GRHL3: variants seen among roughly 807,000 people sequenced by gnomAD.
The protein encoded by GRHL3 is grainyhead-like protein 3 homolog.
Under a neutral mutation model 70.3 loss-of-function variants are expected in GRHL3, and 20 were observed. The ratio of observed to expected loss-of-function variants is 0.28; its 90% CI spans 0.20 to 0.41. The LOEUF is 0.41. Ranked by LOEUF, GRHL3 falls within the 10% of genes least tolerant of loss-of-function variation. The pLI is 1.00. For synonymous variants in GRHL3, 299 were observed against 299.9 expected (o/e 1.00, Z 0.03); for missense variants, 637 against 762.3 (o/e 0.84, Z 1.94).
downstream of GRHL3, chr1:24,358,182 C>A (rs1363397099): frequency 1.9e-6 from 1 of 514,038 alleles, no homozygotes; most frequent in Non-Finnish European, 3.8e-6. Context: ...TCAGGGTGGA[C>A]TGATCCTCCT....
At chr1:24,337,032 G>GAGTGA in intron 4 of GRHL3, 46 bp from the exon 5 acceptor site, 1 of 1,578,074 alleles carries the variant, frequency 6.3e-7, no homozygotes. Flanking sequence ...AGGCTTCCCA[G>GAGTGA]AGTGAATGTG....
intron 11 of GRHL3, among the ~76,000 whole-genome samples, chr1:24,344,072 G>A (rs765779131): frequency 1.9e-4 from 29 of 152,302 alleles, no homozygotes; most frequent in Non-Finnish European, 3.4e-4. Context: ...GACCACTCAG[G>A]GTGAAGGCCC....
intron 1 of GRHL3, among the ~76,000 whole-genome samples, chr1:24,324,609 G>A (rs1348362375): frequency 1.3e-5 from 2 of 152,196 alleles, no homozygotes; most frequent in South Asian, 2.1e-4. Context: ...ATGACTAGAA[G>A]TTGTTAGCCA....
chr1:24,339,749 A>C lies in GRHL3; in HGVS notation c.1034A>C (p.Asn345Thr), dbSNP rs373187060. ...YNALSFVWNVNEEAKVFIGVN... is the reference protein window; with the variant it reads ...YNALSFVWNVTEEAKVFIGVN... The stretch of plus-strand genomic sequence containing the variant: ...GCACTGTCCTTTGTGTGGAACGTGA[A>C]TGAAGAGGCCAAGGTCAGTGCTGAG... Residue 345 changes from asparagine to threonine, a missense_variant, in exon 8 of 16, where the codon AAT becomes ACT. Asn to Thr is a moderately conservative substitution (Grantham distance 65). Around this residue, in one of 2 missense-constraint regions of GRHL3, gnomAD observed 387 missense variants for 513.8 expected, o/e 0.75. Transcript: ENST00000361548. 4.3e-6 allele frequency: 7 copies of C among 1,611,696 alleles called. No homozygotes were observed. Among genetic ancestry groups the C allele is most frequent in the African/African-American group, 1.3e-5 (1 of 74,904 alleles).
At chr1:24,358,719 G>T, downstream of GRHL3, 1 of 842,440 alleles carries the variant, frequency 1.2e-6, no homozygotes, top group Non-Finnish European at 1.9e-6. Context: ...GGGGACCCCT[G>T]TGCCAGCCCC....
chr1:24,358,992 T>C (rs1640908612), downstream of GRHL3, among the ~76,000 whole-genome samples: 1 of 152,180 alleles, frequency 6.6e-6, no homozygotes, highest in Non-Finnish European at 1.5e-5. Flanking sequence ...GCAGAAGCCA[T>C]GACAATTGCG....
chr1:24,347,355 C>T (rs963869323), intron 13 of GRHL3, 113 bp from the exon 14 acceptor site: 2 of 925,794 alleles, frequency 2.2e-6, no homozygotes, highest in Admixed American at 3.7e-5. Flanking sequence ...CCCAGCTGGG[C>T]AAAGACCCGC....
chr1:24,326,581 C>T (rs1004574901), intron 1 of GRHL3, among the ~76,000 whole-genome samples: 3 of 152,254 alleles, frequency 2.0e-5, no homozygotes, highest in South Asian at 2.1e-4. Context: ...ATGCAACCTC[C>T]GTGTCGGCAG....
At chr1:24,346,313 TG>T (rs34153249) in intron 12 of GRHL3, among the ~76,000 whole-genome samples, 16 of 152,168 alleles carry the variant, frequency 1.1e-4, no homozygotes, top group Non-Finnish European at 1.9e-4. Context: ...ATTTTATACA[TG>T]GGGTCACTGA....
In GRHL3 at chr1:24,355,064, C is replaced by T. The variant is rs1209636982; in HGVS notation, c.*576C>T. The T allele has an allele frequency of 2.6e-5, 4 of 152,518 alleles. No individual in the cohort carries two copies. Among genetic ancestry groups the T allele is most frequent in the Non-Finnish European group, 4.4e-5 (3 of 68,064 alleles). The allele number at this position is 152,518 out of a possible 1,614,324, so 9.4% of individuals were successfully genotyped here. A position where few individuals can be genotyped will look rare whatever the true frequency, so the allele number is the denominator to read the frequency against. ...TAACGATCGACTGGAACAAAGTGAC[C>T]GCTGTGTAAAACTACTGCCTTGCCA... On this transcript the variant is annotated 3_prime_UTR_variant, in exon 16 of 16. Coordinates refer to ENST00000361548, the MANE Select transcript of GRHL3 (RefSeq NM_198173.3).
rs1452219028 is a variant in GRHL3, at chr1:24,321,880, C to CGCAGCCCTGG, written c.17+2320_17+2329dup. The CGCAGCCCTGG allele has an allele frequency of 3.3e-5, 5 of 152,270 alleles. No homozygotes were observed. The highest frequency in any genetic ancestry group is 6.5e-5 in the Admixed American group (1 of 15,276). 9.4% of individuals were successfully genotyped at this position (152,270 alleles called of 1,614,324 possible). ...CGCAGCGCTCTGGGTGCCTGGAGCC[C>CGCAGCCCTGG]GCAGCCCTGGGCAGCCCCGGGCTAC... On this transcript the variant is annotated intron_variant, in intron 1 of 15. Coordinates refer to ENST00000361548, the MANE Select transcript of GRHL3 (RefSeq NM_198173.3). The surrounding 1 kb of genome is among the most constrained non-coding windows in gnomAD (Gnocchi z 4.0).
rs981103462 is a variant in GRHL3, at chr1:24,344,909, G to A, written c.1432G>A (p.Ala478Thr). 3.1e-6 allele frequency: 5 copies of A among 1,613,372 alleles called. No individual in the cohort carries two copies. In the African/African-American group the frequency reaches 6.7e-5, roughly 22 times the overall value. Residue 478 changes from alanine (A) to threonine (T), a missense_variant, in exon 12 of 16, where the codon GCA (alanine) becomes ACA (threonine). By Grantham distance (58) the Ala-to-Thr change is moderately conservative (BLOSUM62 0). Transcript: ENST00000361548. ...CACTTCATTGCAGGCAGCCCCCTCG[G>A]CAGGACCCAGCAGCTCCAACAGGTA... The part of the protein sequence containing the change: ...LQRSGGAAPS[A>T]GPSSSNRLPL...
At chr1:24,336,382 C>G in intron 3 of GRHL3, 100 bp from the exon 4 acceptor site, 3 of 761,394 alleles carry the variant, frequency 3.9e-6, no homozygotes, top group Admixed American at 2.5e-5. Flanking sequence ...AAACATTACA[C>G]TGGATCAAAG....
intron 15 of GRHL3, among the ~76,000 whole-genome samples, chr1:24,350,425 G>T (rs1640458869): frequency 1.3e-5 from 2 of 152,344 alleles, no homozygotes; most frequent in South Asian, 4.1e-4. Flanking sequence ...CAAGCCATTT[G>T]ATTATAAAGA....
At position 24,350,122 on chromosome 1, in the gene GRHL3, G is replaced by T; in HGVS notation, c.1694G>T (p.Gly565Val). The change falls in exon 15 of 16, where the codon GGA becomes GTA. Residue 565 changes from glycine to valine, a missense_variant and splice_region_variant. Gly to Val is a moderately radical substitution (Grantham distance 109, BLOSUM62 -3). Coordinates refer to ENST00000361548, the MANE Select transcript of GRHL3 (RefSeq NM_198173.3). ...AAAGTCTACAAGAAATGCAAGCGAG[G>T]GTGAGTGCCTAGTTCACCCTCCCCC... Reference protein sequence around the residue: ...IYKVYKKCKRGILVNMDNNII... With the variant: ...IYKVYKKCKRVILVNMDNNII... 6.2e-7 allele frequency: 1 copy of T among 1,613,018 alleles called. No individual in the cohort carries two copies. The highest frequency in any genetic ancestry group is 8.5e-7 in the Non-Finnish European group (1 of 1,179,336).
Position 24,342,769 on chromosome 1 carries a change from A to G in GRHL3, c.1282A>G (p.Ser428Gly). Residue 428 changes from serine to glycine, a missense_variant, in exon 10 of 16, where the codon AGT (serine) becomes GGT (glycine). Transcript: ENST00000361548. This position sits in a 1 kb window ranked among gnomAD's most constrained non-coding sequence, Gnocchi z 4.8. ...GGTCAAGTGCCCTGACTCCAGCAAC[A>G]GTGGTCAGTGGGGATCCAGGGCCTG... Reference protein sequence around the residue: ...RKVKCPDSSNSGVKGCLLSGF... With the variant: ...RKVKCPDSSNGGVKGCLLSGF... 6.2e-7 allele frequency: 1 copy of G among 1,614,180 alleles called. No homozygotes were observed. The highest frequency in any genetic ancestry group is 8.5e-7 in the Non-Finnish European group (1 of 1,179,996).
At chr1:24,341,932 CCT>C (rs1640058065) in intron 8 of GRHL3, among the ~76,000 whole-genome samples, 181 bp from the exon 9 acceptor site, 1 of 152,340 alleles carries the variant, frequency 6.6e-6, no homozygotes, top group African/African-American at 2.4e-5. Flanking sequence ...AGTTGCCCCA[CCT>C]CTCTGAGCAT....
At chr1:24,346,869 A>T (rs1557703961) in intron 13 of GRHL3, among the ~76,000 whole-genome samples, 1 of 152,190 alleles carries the variant, frequency 6.6e-6, no homozygotes, top group African/African-American at 2.4e-5. Flanking sequence ...TGGACGTGGG[A>T]GTCCTGGGCA....
rs1033611708 is a variant in GRHL3, at chr1:24,342,426, C to T, written c.1206+153C>T. Reference sequence around the variant, plus strand: ...CCCCTCTCCTCCTCCACCCCCACTCCTCCATCTCTCTGTCTCTCTGAGTTT... The same window carrying T: ...CCCCTCTCCTCCTCCACCCCCACTCTTCCATCTCTCTGTCTCTCTGAGTTT... On this transcript the variant is annotated intron_variant, in intron 9 of 15. Transcript: ENST00000361548. The surrounding 1 kb of genome is among the most constrained non-coding windows in gnomAD (Gnocchi z 4.8). 2.0e-4 allele frequency among the ~76,000 whole-genome samples: 30 copies of T among 152,178 alleles called. No individual in the cohort carries two copies. The highest frequency in any genetic ancestry group is 7.2e-4 in the African/African-American group (30 of 41,430).
Sources: allele counts gnomAD v4.1 joint callset (sites outside exome capture counted in the v4.1 genomes callset), GRCh38; gene constraint gnomAD v4.1.1; regional missense constraint gnomAD v4.1.1; non-coding constraint Gnocchi (gnomAD v3.1); transcripts MANE v1.5; gene names NCBI Gene and HGNC (gene_info 2026-07-23, HGNC 2026-07-21).